Variants in USP12 observed in about 807,000 individuals in gnomAD.
USP12 encodes ubiquitin specific peptidase 12, also known as ubiquitin carboxyl-terminal hydrolase 12.
USP12 carries 19 observed loss-of-function variants against 45.5 expected under a neutral mutation model. That is an observed-to-expected ratio of 0.42 (90% CI 0.29 to 0.61). USP12 has a LOEUF of 0.61. USP12 is among the 20% of genes least tolerant of loss of function. The pLI, the probability that USP12 is intolerant of heterozygous loss-of-function variation, is 0.22. For missense variants in USP12, 242 were observed against 447.7 expected, an observed-to-expected ratio of 0.54 and a Z score of 4.15; for synonymous variants, 149 against 148.8, an observed-to-expected ratio of 1.00 and a Z score of -0.01.
At chr13:27,162,129 T>C (rs1045183202) in intron 1 of USP12, among the ~76,000 whole-genome samples, 5 of 152,218 alleles carry the variant, frequency 3.3e-5, no homozygotes, top group African/African-American at 9.7e-5. Flanking sequence ...TTACCAACAA[T>C]GACCATGTAA....
Position 27,132,332 on chromosome 13 carries a change from C to A in USP12, c.49-15736G>T, listed in dbSNP as rs985547484. ...GAGGGGCCAGTAGAAATGTTAGTAACTTCAAACAAGAAAATTTTAGTTACA... is the reference window on the plus strand; with the variant it reads ...GAGGGGCCAGTAGAAATGTTAGTAAATTCAAACAAGAAAATTTTAGTTACA... On this transcript the variant is annotated intron_variant, in intron 1 of 8. Coordinates refer to ENST00000282344, the MANE Select transcript of USP12 (RefSeq NM_182488.4). Among the ~76,000 whole-genome samples, 13 of 152,048 alleles carry A rather than the reference C, an allele frequency of 8.5e-5. No homozygotes were observed. In the East Asian group the frequency reaches 2.1e-3, roughly 25 times the overall value.
intron 1 of USP12, among the ~76,000 whole-genome samples, chr13:27,121,089 A>C (rs200247192): frequency 2.4e-4 from 37 of 152,288 alleles, no homozygotes; most frequent in South Asian, 1.4e-3. Context: ...AGGAGAGATG[A>C]GCATGAAGCC....
At chr13:27,148,630 C>T (rs1877417454) in intron 1 of USP12, among the ~76,000 whole-genome samples, 1 of 147,016 alleles carries the variant, frequency 6.8e-6, no homozygotes, top group Non-Finnish European at 1.5e-5. Context: ...GCCCAGATCA[C>T]ACCACTGCAC....
intron 1 of USP12, among the ~76,000 whole-genome samples, chr13:27,152,285 A>C (rs139355095): frequency 5.1e-4 from 78 of 152,356 alleles, no homozygotes; most frequent in African/African-American, 1.8e-3. Context: ...ACAATGGAAC[A>C]ATATTTGTCC....
chr13:27,092,788 T>C (rs1176665406), intron 4 of USP12, among the ~76,000 whole-genome samples: 1 of 152,238 alleles, frequency 6.6e-6, no homozygotes, highest in Non-Finnish European at 1.5e-5. Context: ...GGAGAAATTC[T>C]AAGGGACCTT....
rs1372277920 is a variant in USP12 at position 27,129,079 on chromosome 13, C to T, written c.49-12483G>A. Among the ~76,000 whole-genome samples the T allele has an allele frequency of 2.6e-5, 4 of 152,102 alleles. No homozygotes were observed. Among genetic ancestry groups the T allele is most frequent in the Non-Finnish European group, 5.9e-5 (4 of 68,040 alleles). On this transcript the variant is annotated intron_variant, in intron 1 of 8. Coordinates refer to ENST00000282344, the MANE Select transcript of USP12 (RefSeq NM_182488.4). This position sits in a 1 kb window ranked among gnomAD's most constrained non-coding sequence, Gnocchi z 4.0. ...AACTTACATAGTTTTATCAAATACT[C>T]GGAATATTCCATACACTTCAAATAA...
intron 1 of USP12, 56 bp downstream of exon 1, chr13:27,171,536 C>T: frequency 9.1e-7 from 1 of 1,094,672 alleles, no homozygotes; most frequent in Non-Finnish European, 1.2e-6. Flanking sequence ...GGTCCAGCGC[C>T]GCCCGCCCGC....
chr13:27,141,682 TAGAC>T (rs1457332979), intron 1 of USP12, among the ~76,000 whole-genome samples: 2 of 151,488 alleles, frequency 1.3e-5, no homozygotes, highest in African/African-American at 2.4e-5. Context: ...AATAAATGAA[TAGAC>T]AGAAAGGAAG....
chr13:27,121,474 G>C (rs890638094), intron 1 of USP12, among the ~76,000 whole-genome samples: 8 of 152,112 alleles, frequency 5.3e-5, no homozygotes, highest in Admixed American at 5.2e-4. Context: ...CAAGAGATTT[G>C]AGTTCATAAG....
chr13:27,100,106 G>A (rs778684013), intron 3 of USP12, among the ~76,000 whole-genome samples: 1 of 152,128 alleles, frequency 6.6e-6, no homozygotes, highest in South Asian at 2.1e-4. Flanking sequence ...CTCCGAGGCC[G>A]GGCCAAGTCA....
At chr13:27,171,554 G>A in intron 1 of USP12, 38 bp downstream of exon 1, 2 of 1,206,538 alleles carry the variant, frequency 1.7e-6, no homozygotes, top group Non-Finnish European at 2.1e-6. Context: ...CGCCCGAGAG[G>A]TCCCGGCAGC....
chr13:27,153,401 A>C (rs1877673749), intron 1 of USP12, among the ~76,000 whole-genome samples: 1 of 152,256 alleles, frequency 6.6e-6, no homozygotes, highest in Non-Finnish European at 1.5e-5. Flanking sequence ...ACATATATAC[A>C]TATGCATACA....
Position 27,074,260 on chromosome 13 carries a change from C to T in USP12, c.932+931G>A, listed in dbSNP as rs187606691. Among the ~76,000 whole-genome samples, 1,070 of 152,118 alleles carry T rather than the reference C, an allele frequency of 7.0e-3. 15 individuals carry two copies. Among genetic ancestry groups the T allele is most frequent in the African/African-American group, 0.024 (1,013 of 41,492 alleles). On this transcript the variant is annotated intron_variant, in intron 7 of 8. Transcript: ENST00000282344. The stretch of plus-strand genomic sequence containing the variant: ...CTAAAAATACAAAAAATTAGCCGGG[C>T]GTGGTGGTGGGTGCCTGTAGTCTCA...
intron 1 of USP12, among the ~76,000 whole-genome samples, chr13:27,164,082 C>T (rs1415196008): frequency 8.5e-6 from 1 of 117,050 alleles, no homozygotes; most frequent in Admixed American, 9.8e-5. Context: ...TTTATCCCTA[C>T]AAAAAGGAAA....
At chr13:27,127,471 T>A (rs966422562) in intron 1 of USP12, among the ~76,000 whole-genome samples, 4 of 152,222 alleles carry the variant, frequency 2.6e-5, no homozygotes, top group Admixed American at 6.5e-5. Flanking sequence ...AATAATCACA[T>A]GATCAAAGGG....
rs576295247 is a variant in USP12, at chr13:27,081,840, G to A, written c.735-6452C>T. ...CATCAGAGCTCTTGGGTGATCACATGTATTGTCAATAAGCAGTAATATTTT... is the reference window on the plus strand; with the variant it reads ...CATCAGAGCTCTTGGGTGATCACATATATTGTCAATAAGCAGTAATATTTT... On this transcript the variant is annotated intron_variant, in intron 6 of 8. Coordinates refer to ENST00000282344, the MANE Select transcript of USP12 (RefSeq NM_182488.4). 2.6e-5 allele frequency among the ~76,000 whole-genome samples: 4 copies of A among 152,352 alleles called. No individual in the cohort carries two copies. The South Asian group carries it at 8.3e-4, about 32-fold the overall frequency.
chr13:27,089,219 G>T (rs890254485), intron 6 of USP12, among the ~76,000 whole-genome samples: 1 of 152,214 alleles, frequency 6.6e-6, no homozygotes, highest in Non-Finnish European at 1.5e-5. Flanking sequence ...AAGGTTTGCA[G>T]TAACAGTAGC....
intron 1 of USP12, among the ~76,000 whole-genome samples, chr13:27,125,873 T>C (rs1439510461): frequency 6.6e-6 from 1 of 152,238 alleles, no homozygotes; most frequent in Non-Finnish European, 1.5e-5. Context: ...AGTTTGAGAT[T>C]GACCTGGGAC....
At chr13:27,157,856 C>G (rs1018158102) in intron 1 of USP12, among the ~76,000 whole-genome samples, 2 of 152,172 alleles carry the variant, frequency 1.3e-5, no homozygotes, top group Admixed American at 1.3e-4. Flanking sequence ...TACAGCTTAT[C>G]AAGTTTGTAT....
Sources: gnomAD v4.1 joint callset for allele counts (sites outside exome capture counted in the v4.1 genomes callset) on GRCh38, gnomAD v4.1.1 for gene constraint, Gnocchi (gnomAD v3.1) non-coding constraint, MANE v1.5 for transcripts, NCBI Gene and HGNC (gene_info 2026-07-23, HGNC 2026-07-21) for gene names.